LIMA1: variants seen among roughly 807,000 people sequenced by gnomAD.
The protein encoded by LIMA1 is LIM domain and actin binding 1, also known as LIM domain and actin-binding protein 1.
LIMA1 carries 52 observed loss-of-function variants against 62.6 expected under a neutral mutation model. The observed-to-expected ratio is 0.83, with a 90% CI of 0.67 to 1.05. The LOEUF (loss-of-function observed/expected upper bound fraction) is 1.05, where lower values mean the gene tolerates loss of function less well. Among genes scored for constraint, LIMA1 ranks in the 50% least tolerant of loss-of-function variants. LIMA1 has a pLI of 0.00. For missense variants in LIMA1, 780 were observed against 902.2 expected, an observed-to-expected ratio of 0.86 and a Z score of 1.74; for synonymous variants, 302 against 317.8, an observed-to-expected ratio of 0.95 and a Z score of 0.53.
Position 50,177,717 on chromosome 12 carries a change from T to A in LIMA1, c.1627A>T (p.Ser543Cys), listed in dbSNP as rs746537443. The part of the protein sequence containing the change: ...PPPTELGSSG[S>C]ALEEGIKMSK... ...ATTTTGATCCCTTCCTCCAAGGCAC[T>A]TCCTGAACTTCCAAGTTCAGTGGGG... Residue 543 changes from serine (S) to cysteine (C), a missense_variant, in exon 11 of 11, where the codon AGT (serine) becomes TGT (cysteine). Physicochemically the swap from Ser to Cys is moderately radical, Grantham distance 112 (BLOSUM62 -1). Transcript: ENST00000341247. The A allele has an allele frequency of 6.2e-7, 1 of 1,613,296 alleles. No homozygotes were observed. The highest frequency in any genetic ancestry group is 2.2e-5 in the East Asian group (1 of 44,874).
intron 1 of LIMA1, among the ~76,000 whole-genome samples, chr12:50,261,792 A>G (rs1305713530): frequency 1.3e-5 from 2 of 151,996 alleles, no homozygotes; most frequent in Non-Finnish European, 1.5e-5. Flanking sequence ...TCAACCTCCC[A>G]AAGTGCTGGG....
At chr12:50,226,556 T>A (rs1183284006) in intron 3 of LIMA1, among the ~76,000 whole-genome samples, 1 of 152,044 alleles carries the variant, frequency 6.6e-6, no homozygotes, top group Non-Finnish European at 1.5e-5. Flanking sequence ...GAAAAAAAGA[T>A]TTCACTGGGC....
At chr12:50,273,298 T>C (rs558919739) in intron 1 of LIMA1, among the ~76,000 whole-genome samples, 11 of 152,218 alleles carry the variant, frequency 7.2e-5, no homozygotes, top group African/African-American at 2.4e-4. Flanking sequence ...TGAATTTTAA[T>C]GATTAGCTTC....
intron 1 of LIMA1, among the ~76,000 whole-genome samples, chr12:50,262,333 T>C (rs1464030180): frequency 6.6e-6 from 1 of 152,198 alleles, no homozygotes; most frequent in Non-Finnish European, 1.5e-5. Flanking sequence ...GAAACTTGTA[T>C]ACAATACTGA....
In LIMA1 at chr12:50,276,742, T is replaced by C. The variant is rs143610206; in HGVS notation, c.-24+6678A>G. On this transcript the variant is annotated intron_variant, in intron 1 of 10. Transcript: ENST00000341247. ...AAAATTAGCTAGGCGTGGTGGCATGTGCCTGTAATCCCAGCTACTTGGGAG... is the reference window on the plus strand; with the variant it reads ...AAAATTAGCTAGGCGTGGTGGCATGCGCCTGTAATCCCAGCTACTTGGGAG... 5.2e-3 allele frequency among the ~76,000 whole-genome samples: 792 copies of C among 152,122 alleles called. 11 individuals are homozygous for C. Among genetic ancestry groups the C allele is most frequent in the Non-Finnish European group, 8.1e-3 (549 of 67,958 alleles).
chr12:50,247,702 C>T (rs1488014179), intron 2 of LIMA1, among the ~76,000 whole-genome samples: 1 of 151,804 alleles, frequency 6.6e-6, no homozygotes, highest in African/African-American at 2.4e-5. Context: ...CAGCTTACTG[C>T]AACCTCCGCC....
chr12:50,230,721 C>T (rs1565850756), intron 3 of LIMA1, among the ~76,000 whole-genome samples: 1 of 151,882 alleles, frequency 6.6e-6, no homozygotes, highest in Non-Finnish European at 1.5e-5. Flanking sequence ...GGACTACAGG[C>T]GCCCGCCACC....
At chr12:50,192,698 T>C (rs1940805370) in intron 8 of LIMA1, 137 bp from the exon 9 acceptor site, 1 of 647,298 alleles carries the variant, frequency 1.5e-6, no homozygotes, top group Non-Finnish European at 2.8e-6. Context: ...TGCTTTTCTG[T>C]TGAAGAATAT....
At chr12:50,193,993 A>T (rs200375816) in intron 8 of LIMA1, among the ~76,000 whole-genome samples, 10,050 of 43,168 alleles carry the variant, frequency 0.23, 707 homozygotes, top group East Asian at 0.54. Context: ...ATATATATAT[A>T]TATATTTTTT....
chr12:50,278,268 A>T (rs1410750101), intron 1 of LIMA1, among the ~76,000 whole-genome samples: 3 of 152,170 alleles, frequency 2.0e-5, no homozygotes, highest in East Asian at 1.9e-4. Context: ...AAAATAAAAA[A>T]AAAAATAGCC....
At chr12:50,180,353 T>C (rs1940469848) in intron 10 of LIMA1, among the ~76,000 whole-genome samples, 1 of 150,942 alleles carries the variant, frequency 6.6e-6, no homozygotes, top group Non-Finnish European at 1.5e-5. Flanking sequence ...TGCCCGCCTG[T>C]AATCCCAGCT....
At chr12:50,188,548 C>T (rs147396410) in intron 9 of LIMA1, 88 of 152,300 alleles carry the variant, frequency 5.8e-4, no homozygotes, top group African/African-American at 2.0e-3. Context: ...GCTCAAAACC[C>T]GAGGTGTGTG....
chr12:50,248,864 T>TCAGTTCAGGGAAAG, intron 1 of LIMA1, 90 bp from the exon 2 acceptor site: 1 of 704,168 alleles, frequency 1.4e-6, no homozygotes, highest in Non-Finnish European at 2.6e-6. Flanking sequence ...GCCCTAAACT[T>TCAGTTCAGGGAAAG]GCAGACCACA....
At chr12:50,246,252 A>G (rs1279118396) in intron 2 of LIMA1, among the ~76,000 whole-genome samples, 1 of 150,686 alleles carries the variant, frequency 6.6e-6, no homozygotes, top group African/African-American at 2.4e-5. Context: ...AAAAAAAAAG[A>G]AAGAGCAGGC....
intron 1 of LIMA1, among the ~76,000 whole-genome samples, chr12:50,270,169 A>T (rs1384005489): frequency 7.1e-6 from 1 of 141,710 alleles, no homozygotes; most frequent in Non-Finnish European, 1.5e-5. Flanking sequence ...CGGGTGGCAG[A>T]AGTTGCGATG....
chr12:50,235,974 C>T (rs539721509), intron 2 of LIMA1, among the ~76,000 whole-genome samples: 1 of 152,064 alleles, frequency 6.6e-6, no homozygotes, highest in African/African-American at 2.4e-5. Flanking sequence ...AAACCAGCCC[C>T]GCCAACCTGG....
intron 6 of LIMA1, chr12:50,201,576 T>C: frequency 1.1e-6 from 1 of 940,994 alleles, no homozygotes; most frequent in Non-Finnish European, 1.3e-6. Flanking sequence ...GGGTGAATAT[T>C]ACAATTAACT....
At chr12:50,276,947 A>G (rs918136784) in intron 1 of LIMA1, among the ~76,000 whole-genome samples, 4 of 152,194 alleles carry the variant, frequency 2.6e-5, no homozygotes, top group African/African-American at 9.6e-5. Context: ...ATATTTGACC[A>G]CAGGACAAAA....
intron 7 of LIMA1, among the ~76,000 whole-genome samples, chr12:50,200,288 C>A (rs573938414): frequency 1.3e-5 from 2 of 152,186 alleles, no homozygotes; most frequent in Admixed American, 1.3e-4. Context: ...ACTGCAACCT[C>A]CACCTCCTGG....
Sources: gnomAD v4.1 joint callset for allele counts (sites outside exome capture counted in the v4.1 genomes callset) on GRCh38, gnomAD v4.1.1 for gene constraint, MANE v1.5 for transcripts, NCBI Gene and HGNC (gene_info 2026-07-23, HGNC 2026-07-21) for gene names.